The following IHO1 variants were observed in gnomAD, a reference collection of about 807,000 sequenced individuals.
The protein encoded by IHO1 is interactor of HORMAD1 protein 1.
In IHO1, 13 loss-of-function variants were observed where a neutral mutation model predicts 31.0. That is an observed-to-expected ratio of 0.42 (90% CI 0.27 to 0.67). The LOEUF (loss-of-function observed/expected upper bound fraction) is 0.67, where lower values mean the gene tolerates loss of function less well. IHO1 is among the 30% of genes least tolerant of loss of function. IHO1 has a pLI of 0.24. For synonymous variants in IHO1, 221 were observed against 248.4 expected (o/e 0.89, Z 1.04); for missense variants, 599 against 687.5 (o/e 0.87, Z 1.44).
intron 1 of IHO1, among the ~76,000 whole-genome samples, chr3:49,205,118 T>C (rs926551963): frequency 6.6e-6 from 1 of 152,080 alleles, no homozygotes; most frequent in Non-Finnish European, 1.5e-5. Context: ...TTCTTGATCA[T>C]ATGCTAAACA....
intron 2 of IHO1, among the ~76,000 whole-genome samples, chr3:49,221,982 A>T (rs1480140454): frequency 6.6e-6 from 1 of 152,196 alleles, no homozygotes; most frequent in Non-Finnish European, 1.5e-5. Context: ...TCTTACCCTA[A>T]GAAGGTGCAG....
At chr3:49,197,327 G>A (rs1249700217), upstream of IHO1, among the ~76,000 whole-genome samples, 1 of 150,322 alleles carries the variant, frequency 6.7e-6, no homozygotes. Context: ...AGACAGTCTC[G>A]CTCTGTTGCT....
chr3:49,206,525 G>A (rs1046049250), intron 1 of IHO1, among the ~76,000 whole-genome samples: 16 of 151,500 alleles, frequency 1.1e-4, no homozygotes, highest in Admixed American at 2.6e-4. Flanking sequence ...CACTGCACCC[G>A]GCCCAGAGGT....
At chr3:49,212,990 T>A (rs2046242146) in intron 2 of IHO1, among the ~76,000 whole-genome samples, 1 of 152,206 alleles carries the variant, frequency 6.6e-6, no homozygotes, top group African/African-American at 2.4e-5. Flanking sequence ...TACAGAGAGC[T>A]GATTGGTCCG....
At position 49,257,284 on chromosome 3, in the gene IHO1, C is replaced by A. The variant is rs966522620; in HGVS notation, c.*2C>A. ...AGCAGTGATGATGATGGCTTCTGAC[C>A]AGTCCACAGTTGATTTATTGGTCTC... On this transcript the variant is annotated 3_prime_UTR_variant, in exon 8 of 8. Transcript: ENST00000452691. 3.1e-6 allele frequency: 5 copies of A among 1,609,220 alleles called. No individual in the cohort carries two copies. Among genetic ancestry groups the A allele is most frequent in the Non-Finnish European group, 4.2e-6 (5 of 1,177,078 alleles).
chr3:49,250,313 A>T lies in IHO1; in HGVS notation c.533-5077A>T, dbSNP rs754487464. ...GTTATTTTCATAACTAAATTTTTTT[A>T]AAAGAAAAAATATGGATAGACTTTG... On this transcript the variant is annotated intron_variant, in intron 6 of 7. Transcript: ENST00000452691. 4.6e-5 allele frequency among the ~76,000 whole-genome samples: 7 copies of T among 152,320 alleles called. No homozygotes were observed. The East Asian group carries it at 5.8e-4, about 13-fold the overall frequency.
intron 2 of IHO1, among the ~76,000 whole-genome samples, chr3:49,226,766 G>A (rs1278540502): frequency 2.0e-5 from 3 of 152,196 alleles, no homozygotes; most frequent in Non-Finnish European, 4.4e-5. Flanking sequence ...AAGAGAGATC[G>A]AGGGTCTGCC....
At chr3:49,250,058 T>C (rs2046741637) in intron 6 of IHO1, among the ~76,000 whole-genome samples, 1 of 152,228 alleles carries the variant, frequency 6.6e-6, no homozygotes, top group Non-Finnish European at 1.5e-5. Context: ...ACATAAAAGC[T>C]AAAAATATCT....
At chr3:49,233,096 C>T (rs188080096) in intron 2 of IHO1, among the ~76,000 whole-genome samples, 31 of 152,254 alleles carry the variant, frequency 2.0e-4, no homozygotes, top group Non-Finnish European at 1.9e-4. Flanking sequence ...CCTGTGGAAT[C>T]GTTATTGATT....
chr3:49,255,766 T>C (rs547713644), intron 7 of IHO1, among the ~76,000 whole-genome samples: 1 of 152,048 alleles, frequency 6.6e-6, no homozygotes, highest in Non-Finnish European at 1.5e-5. Context: ...TTGGCCAGGA[T>C]GGTCTCAATC....
intron 2 of IHO1, among the ~76,000 whole-genome samples, chr3:49,227,226 C>A (rs975473552): frequency 8.5e-5 from 13 of 152,232 alleles, no homozygotes; most frequent in East Asian, 5.8e-4. Context: ...CTCAGATGGC[C>A]ATTTTTCCCC....
intron 2 of IHO1, among the ~76,000 whole-genome samples, chr3:49,224,875 T>G (rs2046399876): frequency 6.6e-6 from 1 of 152,218 alleles, no homozygotes; most frequent in Non-Finnish European, 1.5e-5. Context: ...TGAAGGGCCA[T>G]TCCCTCAAGG....
At chr3:49,212,010 A>G (rs1178317830) in intron 2 of IHO1, among the ~76,000 whole-genome samples, 174 bp downstream of exon 2, 1 of 151,866 alleles carries the variant, frequency 6.6e-6, no homozygotes, top group Non-Finnish European at 1.5e-5. Context: ...AAAATACAAA[A>G]AAATTTAGCC....
At chr3:49,255,076 GAAAA>G (rs1286488532) in intron 6 of IHO1, among the ~76,000 whole-genome samples, 1 of 150,170 alleles carries the variant, frequency 6.7e-6, no homozygotes, top group Non-Finnish European at 1.5e-5. Context: ...AAAAAAAAAA[GAAAA>G]AAAGTTTCAA....
chr3:49,202,494 T>TG (rs2046082096), intron 1 of IHO1, among the ~76,000 whole-genome samples: 1 of 104,120 alleles, frequency 9.6e-6, no homozygotes, highest in Non-Finnish European at 1.9e-5. Flanking sequence ...CCCGGCTAAT[T>TG]TTGTGTGTGT....
chr3:49,192,118 T>C, the IHO1 span, among the ~76,000 whole-genome samples: 9 of 152,240 alleles, frequency 5.9e-5, no homozygotes, highest in African/African-American at 1.9e-4. Flanking sequence ...TTTAAAAACC[T>C]ATGCATCCAT....
At chr3:49,225,995 G>A (rs2046412771) in intron 2 of IHO1, among the ~76,000 whole-genome samples, 2 of 152,290 alleles carry the variant, frequency 1.3e-5, no homozygotes, top group South Asian at 4.1e-4. Context: ...CTGGGGTAGT[G>A]CACCTTCCAG....
At chr3:49,253,828 CTTTTTTTTTT>C (rs139087366) in intron 6 of IHO1, among the ~76,000 whole-genome samples, 1 of 72,244 alleles carries the variant, frequency 1.4e-5, no homozygotes. Flanking sequence ...CTTTATTTGT[CTTTTTTTTTT>C]TTTTTTTTTT....
upstream of IHO1, among the ~76,000 whole-genome samples, chr3:49,197,152 T>TTC (rs2046003780): frequency 6.9e-6 from 1 of 145,676 alleles, no homozygotes; most frequent in South Asian, 2.2e-4. Context: ...GGCTAATTTT[T>TTC]TTTTTTTTTT....
Sources: gnomAD v4.1 joint callset for allele counts (sites outside exome capture counted in the v4.1 genomes callset) on GRCh38, gnomAD v4.1.1 for gene constraint, MANE v1.5 for transcripts, NCBI Gene and HGNC (gene_info 2026-07-23, HGNC 2026-07-21) for gene names.